DLGAP1: variants seen among roughly 807,000 people sequenced by gnomAD.
DLGAP1 encodes disks large-associated protein 1.
DLGAP1 carries 11 observed loss-of-function variants against 90.8 expected under a neutral mutation model. The ratio of observed to expected loss-of-function variants is 0.12; its 90% confidence interval spans 0.08 to 0.20. The LOEUF (loss-of-function observed/expected upper bound fraction) is 0.20. Among genes scored for constraint, DLGAP1 ranks in the 10% least tolerant of loss-of-function variants. The pLI is 1.00. For missense variants in DLGAP1, 1,050 were observed against 1,333.8 expected, an observed-to-expected ratio of 0.79 and a Z score of 3.31; for synonymous variants, 558 against 540.7, an observed-to-expected ratio of 1.03 and a Z score of -0.44.
intron 1 of DLGAP1, among the ~76,000 whole-genome samples, chr18:4,196,792 T>C (rs891272476): frequency 8.5e-5 from 13 of 152,362 alleles, no homozygotes; most frequent in Admixed American, 7.8e-4. Flanking sequence ...CAGAGTGTTG[T>C]ATATGTACAC....
intron 1 of DLGAP1, among the ~76,000 whole-genome samples, chr18:4,335,104 T>C (rs7234937): frequency 0.018 from 2,811 of 151,984 alleles, 147 homozygotes; most frequent in African/African-American, 0.065. Context: ...AAAGACACAA[T>C]AAGGCAGCGA....
chr18:3,505,737 C>G (rs1043218799), intron 11 of DLGAP1, among the ~76,000 whole-genome samples: 1 of 151,506 alleles, frequency 6.6e-6, no homozygotes, highest in Admixed American at 6.6e-5. Context: ...GGGTGTCAGG[C>G]ACATGTTAGG....
intron 1 of DLGAP1, among the ~76,000 whole-genome samples, chr18:4,328,027 A>T (rs2080862741): frequency 6.6e-6 from 1 of 151,936 alleles, no homozygotes; most frequent in Non-Finnish European, 1.5e-5. Flanking sequence ...AGCAACTACC[A>T]TCTCTTATCT....
At chr18:4,149,094 C>T (rs999187049) in intron 2 of DLGAP1, among the ~76,000 whole-genome samples, 2 of 152,140 alleles carry the variant, frequency 1.3e-5, no homozygotes, top group Admixed American at 1.3e-4. Context: ...TGTGTATACA[C>T]GGACACCTTC....
chr18:3,779,006 T>C (rs1390767728), intron 5 of DLGAP1, among the ~76,000 whole-genome samples: 1 of 152,104 alleles, frequency 6.6e-6, no homozygotes, highest in Non-Finnish European at 1.5e-5. Context: ...TCTGACTAGG[T>C]CATCCCCCCA....
At chr18:4,034,521 A>G (rs1218210800) in intron 2 of DLGAP1, among the ~76,000 whole-genome samples, 1 of 152,196 alleles carries the variant, frequency 6.6e-6, no homozygotes, top group African/African-American at 2.4e-5. Context: ...TCACAAATAT[A>G]TAGTTGTCAA....
At chr18:4,269,356 T>TATATA (rs1183846918) in intron 1 of DLGAP1, among the ~76,000 whole-genome samples, 1 of 119,576 alleles carries the variant, frequency 8.4e-6, no homozygotes, top group Non-Finnish European at 1.6e-5. Context: ...ATATATATAT[T>TATATA]TTTTTTTTTC....
At chr18:3,852,244 T>A (rs989886395) in intron 4 of DLGAP1, among the ~76,000 whole-genome samples, 1 of 151,930 alleles carries the variant, frequency 6.6e-6, no homozygotes, top group Non-Finnish European at 1.5e-5. Context: ...CAAAGACACA[T>A]CCCAGAAAAA....
At chr18:3,644,015 C>T (rs1030747433) in intron 7 of DLGAP1, among the ~76,000 whole-genome samples, 5 of 152,198 alleles carry the variant, frequency 3.3e-5, no homozygotes, top group South Asian at 2.1e-4. Context: ...TACTTCTTGG[C>T]CTTCCTGAAG....
chr18:3,718,926 G>T, intron 7 of DLGAP1, among the ~76,000 whole-genome samples: 1 of 95,458 alleles, frequency 1.0e-5, no homozygotes, highest in African/African-American at 3.9e-5. Flanking sequence ...GACTTTGTCT[G>T]AAAAAAAAAA....
intron 5 of DLGAP1, among the ~76,000 whole-genome samples, chr18:3,802,115 G>A (rs2066327775): frequency 6.6e-6 from 1 of 152,144 alleles, no homozygotes; most frequent in South Asian, 2.1e-4. Flanking sequence ...CTCCCAAGTA[G>A]CTGGGACTAC....
At chr18:4,334,601 C>A (rs980761519) in intron 1 of DLGAP1, among the ~76,000 whole-genome samples, 2 of 151,812 alleles carry the variant, frequency 1.3e-5, no homozygotes, top group African/African-American at 4.9e-5. Flanking sequence ...AACTACATGT[C>A]ATGCAAATGA....
intron 7 of DLGAP1, among the ~76,000 whole-genome samples, chr18:3,626,634 G>A (rs1326774608): frequency 6.6e-6 from 1 of 151,258 alleles, no homozygotes; most frequent in East Asian, 1.9e-4. Context: ...AGCTGGATGT[G>A]GTAGCTCATG....
intron 4 of DLGAP1, among the ~76,000 whole-genome samples, chr18:3,832,670 T>C (rs2068095582): frequency 6.7e-6 from 1 of 148,998 alleles, no homozygotes; most frequent in Non-Finnish European, 1.5e-5. Flanking sequence ...AGAACCTTCT[T>C]TTTTTTTTTT....
At chr18:3,593,034 C>G (rs2056369980) in intron 7 of DLGAP1, among the ~76,000 whole-genome samples, 1 of 152,114 alleles carries the variant, frequency 6.6e-6, no homozygotes, top group Non-Finnish European at 1.5e-5. Flanking sequence ...ACATCCCTAA[C>G]TCATCTAGAG....
rs191871381 is a variant in DLGAP1 at position 3,761,890 on chromosome 18, A to G, written c.1173-19378T>C. 2.6e-3 allele frequency among the ~76,000 whole-genome samples: 401 copies of G among 152,258 alleles called. 1 individual carries two copies. The highest frequency in any genetic ancestry group is 8.7e-3 in the African/African-American group (360 of 41,556). ...TGCCTGGTCTCAGTCCCTGCTTTCA[A>G]TTCTTTCAGGTATATACCCAGAAGT... On this transcript the variant is annotated intron_variant, in intron 5 of 12. Transcript: ENST00000315677.
chr18:3,527,410 CTT>C lies in DLGAP1; in HGVS notation c.2479+6782_2479+6783del, dbSNP rs3075071. ...GTGAGTAAACAGGTTATTTTCCAAA[CTT>C]TTTTTTTTTTTTTTTTTTTTGCCAT... On this transcript the variant is annotated intron_variant, in intron 10 of 12. Transcript: ENST00000315677. Among the ~76,000 whole-genome samples, 147 of 100,686 alleles carry C rather than the reference CTT, an allele frequency of 1.5e-3. 1 individual carries two copies. Among genetic ancestry groups the C allele is most frequent in the South Asian group, 2.8e-3 (8 of 2,856 alleles). The allele number at this position is 100,686 out of a possible 152,430, so 66.1% of individuals were successfully genotyped here.
At chr18:4,268,867 A>C (rs1330205035) in intron 1 of DLGAP1, among the ~76,000 whole-genome samples, 1 of 152,158 alleles carries the variant, frequency 6.6e-6, no homozygotes, top group East Asian at 1.9e-4. Context: ...AATTTTAAGA[A>C]ATTACACAAT....
intron 4 of DLGAP1, among the ~76,000 whole-genome samples, chr18:3,871,425 A>G (rs1474277018): frequency 6.6e-6 from 1 of 152,148 alleles, no homozygotes; most frequent in East Asian, 1.9e-4. Context: ...TGGTCCTTTA[A>G]TTATGTATCT....
Sources: gnomAD v4.1 joint callset for allele counts (sites outside exome capture counted in the v4.1 genomes callset) on GRCh38, gnomAD v4.1.1 for gene constraint, MANE v1.5 for transcripts, NCBI Gene and HGNC (gene_info 2026-07-23, HGNC 2026-07-21) for gene names.